ANKS1B: variants seen among roughly 807,000 people sequenced by gnomAD.
ANKS1B encodes ankyrin repeat and sterile alpha motif domain containing 1B.
Under a neutral mutation model 148.3 loss-of-function variants are expected in ANKS1B, and 36 were observed. The observed-to-expected ratio is 0.24, with a 90% CI of 0.19 to 0.32. The LOEUF (loss-of-function observed/expected upper bound fraction) is 0.32, where lower values mean the gene tolerates loss of function less well. Ranked by LOEUF, ANKS1B falls within the 10% of genes least tolerant of loss-of-function variation. The pLI, the probability that ANKS1B is intolerant of heterozygous loss-of-function variation, is 1.00. For missense variants in ANKS1B, 1,157 were observed against 1,542.6 expected (o/e 0.75, Z 4.19); for synonymous variants, 542 against 560.8 (o/e 0.97, Z 0.47).
At chr12:99,674,350 T>G (rs192802956) in intron 8 of ANKS1B, among the ~76,000 whole-genome samples, 2 of 151,956 alleles carry the variant, frequency 1.3e-5, no homozygotes, top group African/African-American at 4.8e-5. Context: ...CAATAAATAC[T>G]TTCCAATAAA....
rs547335598 is a variant in ANKS1B, at chr12:99,751,437, G to C, written c.1128+21485C>G. ...ATTTAAAAGAAGAATGGTCCCGCCA[G>C]CATAGCTCTTATTCAGTAAGAATGA... On this transcript the variant is annotated intron_variant, in intron 8 of 26. Coordinates refer to ENST00000683438, the MANE Select transcript of ANKS1B (RefSeq NM_001352186.2). 2.8e-4 allele frequency among the ~76,000 whole-genome samples: 42 copies of C among 152,112 alleles called. No homozygotes were observed. In the South Asian group the frequency reaches 7.5e-3, roughly 27 times the overall value.
intron 12 of ANKS1B, among the ~76,000 whole-genome samples, chr12:99,398,696 C>T (rs1334639337): frequency 1.3e-5 from 2 of 152,082 alleles, no homozygotes; most frequent in African/African-American, 4.8e-5. Context: ...TATCTAATAG[C>T]TACTGAAACA....
Position 99,739,033 on chromosome 12 carries a change from G to A in ANKS1B, c.1128+33889C>T, listed in dbSNP as rs369129149. ...CCATCTTCCACTAGACTTAGGCAAAGGTTAGGAATTACTTCCCTCACTCCA... is the reference window on the plus strand; with the variant it reads ...CCATCTTCCACTAGACTTAGGCAAAAGTTAGGAATTACTTCCCTCACTCCA... On this transcript the variant is annotated intron_variant, in intron 8 of 26. Coordinates refer to ENST00000683438, the MANE Select transcript of ANKS1B (RefSeq NM_001352186.2). 1.1e-4 allele frequency among the ~76,000 whole-genome samples: 17 copies of A among 152,072 alleles called. 1 individual carries two copies. Among genetic ancestry groups the A allele is most frequent in the African/African-American group, 4.1e-4 (17 of 41,510 alleles).
chr12:99,164,022 C>T (rs1356346628), intron 14 of ANKS1B, among the ~76,000 whole-genome samples: 1 of 152,022 alleles, frequency 6.6e-6, no homozygotes, highest in Non-Finnish European at 1.5e-5. Flanking sequence ...TTTGTATTTC[C>T]CTCATGGCTT....
At chr12:98,823,867 TAA>T (rs2099222836) in intron 19 of ANKS1B, among the ~76,000 whole-genome samples, 1 of 152,238 alleles carries the variant, frequency 6.6e-6, no homozygotes, top group Non-Finnish European at 1.5e-5. Flanking sequence ...TAAATTCCAG[TAA>T]TGCCAGAGCA....
intron 1 of ANKS1B, among the ~76,000 whole-genome samples, chr12:99,966,139 A>C (rs1205007602): frequency 6.6e-6 from 1 of 152,192 alleles, no homozygotes; most frequent in Non-Finnish European, 1.5e-5. Context: ...AATCCCAATA[A>C]AGACATTATT....
At chr12:99,704,172 G>A (rs1224618196) in intron 8 of ANKS1B, among the ~76,000 whole-genome samples, 1 of 152,008 alleles carries the variant, frequency 6.6e-6, no homozygotes, top group Non-Finnish European at 1.5e-5. Context: ...CCTGTTCTCT[G>A]ACAGGTGGGT....
At chr12:99,105,417 T>G (rs1308239863) in intron 15 of ANKS1B, among the ~76,000 whole-genome samples, 1 of 152,158 alleles carries the variant, frequency 6.6e-6, no homozygotes, top group East Asian at 1.9e-4. Context: ...AGCCAGATTC[T>G]ATGTCAGAAA....
chr12:99,432,491 A>C (rs534951267), intron 11 of ANKS1B, among the ~76,000 whole-genome samples: 1 of 152,272 alleles, frequency 6.6e-6, no homozygotes, highest in South Asian at 2.1e-4. Context: ...AGAGGGATGG[A>C]AGGAAGGAAG....
chr12:99,733,914 C>A (rs61940284), intron 8 of ANKS1B, among the ~76,000 whole-genome samples: 2 of 152,276 alleles, frequency 1.3e-5, no homozygotes, highest in African/African-American at 2.4e-5. Context: ...TAGAAAAGTA[C>A]GCTGCCTTGA....
At chr12:99,213,136 G>A (rs2083587155) in intron 14 of ANKS1B, among the ~76,000 whole-genome samples, 1 of 152,122 alleles carries the variant, frequency 6.6e-6, no homozygotes. Flanking sequence ...CACTCCTGCA[G>A]CTTCACAAAA....
intron 12 of ANKS1B, among the ~76,000 whole-genome samples, chr12:99,368,102 A>T (rs1282961871): frequency 6.6e-6 from 1 of 152,192 alleles, no homozygotes; most frequent in Non-Finnish European, 1.5e-5. Context: ...TTATGACTAC[A>T]ATTTTAGGAT....
chr12:99,810,799 T>C (rs2068258473), intron 3 of ANKS1B, among the ~76,000 whole-genome samples: 1 of 152,004 alleles, frequency 6.6e-6, no homozygotes, highest in South Asian at 2.1e-4. Flanking sequence ...TTGTAAAAAC[T>C]AACATCCTCT....
rs2095782383 is a variant in ANKS1B at position 99,453,107 on chromosome 12, G to GCA, written c.1439-9299_1439-9298insTG. Among the ~76,000 whole-genome samples the GCA allele has an allele frequency of 2.0e-5, 3 of 152,188 alleles. No individual in the cohort carries two copies. The East Asian group carries it at 5.8e-4, about 30-fold the overall frequency. On this transcript the variant is annotated intron_variant, in intron 10 of 26. Coordinates refer to ENST00000683438, the MANE Select transcript of ANKS1B (RefSeq NM_001352186.2). ...AGATCGAGACCATCCTGGCTAACAT[G>GCA]GTGAAACCCCGTCTCTACTAAAAAT...
chr12:99,395,984 C>T (rs1475006784), intron 12 of ANKS1B, among the ~76,000 whole-genome samples: 1 of 152,160 alleles, frequency 6.6e-6, no homozygotes. Flanking sequence ...TAAGCTTGGT[C>T]AGCTACCTTG....
chr12:99,401,682 C>G (rs1240766264), intron 11 of ANKS1B, among the ~76,000 whole-genome samples: 1 of 146,766 alleles, frequency 6.8e-6, no homozygotes, highest in Admixed American at 6.8e-5. Flanking sequence ...AAACAAGACA[C>G]TGTCCCTGTT....
chr12:99,010,638 T>C (rs776890590), intron 17 of ANKS1B, among the ~76,000 whole-genome samples: 7 of 152,092 alleles, frequency 4.6e-5, no homozygotes, highest in Non-Finnish European at 1.0e-4. Context: ...TAAAAAGTGG[T>C]AAAGTTATCT....
chr12:99,631,892 C>T (rs994141073), intron 9 of ANKS1B, among the ~76,000 whole-genome samples: 2 of 152,128 alleles, frequency 1.3e-5, no homozygotes, highest in African/African-American at 4.8e-5. Flanking sequence ...GGAGAGGAAA[C>T]CAAGGGTGTA....
At chr12:99,054,404 G>GT (rs1182352697) in intron 16 of ANKS1B, among the ~76,000 whole-genome samples, 5 of 152,118 alleles carry the variant, frequency 3.3e-5, no homozygotes, top group African/African-American at 1.2e-4. Context: ...CTTAAACATG[G>GT]TAAGCTTTCT....
Sources: allele counts gnomAD v4.1 joint callset (sites outside exome capture counted in the v4.1 genomes callset), GRCh38; gene constraint gnomAD v4.1.1; transcripts MANE v1.5; gene names NCBI Gene and HGNC (gene_info 2026-07-23, HGNC 2026-07-21).